The following CDC37 variants were observed in gnomAD, a reference collection of about 807,000 sequenced individuals.
CDC37 encodes the protein cell division cycle 37, HSP90 cochaperone.
Under a neutral mutation model 46.9 loss-of-function variants are expected in CDC37, and 9 were observed. The observed-to-expected ratio is 0.19, with a 90% CI of 0.12 to 0.33. CDC37 has a LOEUF of 0.33. Ranked by LOEUF, CDC37 falls within the 10% of genes least tolerant of loss-of-function variation. The pLI is 1.00. For missense variants in CDC37, 388 were observed against 514.6 expected, an observed-to-expected ratio of 0.75 and a Z score of 2.38; for synonymous variants, 193 against 191.0, an observed-to-expected ratio of 1.01 and a Z score of -0.09.
Position 10,391,407 on chromosome 19 carries a change from C to A in CDC37, c.*144G>T. ...CTGGAGAGTGGAGACAGTGGAGAGG[C>A]CAGGGAGGGCTGGGCGGGCCCCCCA... On this transcript the variant is annotated 3_prime_UTR_variant, in exon 8 of 8. Coordinates refer to ENST00000222005, the MANE Select transcript of CDC37 (RefSeq NM_007065.4). 1 of 930,190 alleles carries A rather than the reference C, an allele frequency of 1.1e-6. No individual in the cohort carries two copies. The allele number at this position is 930,190 out of a possible 1,614,324, so 57.6% of individuals were successfully genotyped here.
At position 10,391,297 on chromosome 19, in the gene CDC37, C is replaced by A; in HGVS notation, c.*254G>T. ...CAGCCTGGTGACCTCTGCCCTTCCC[C>A]GGACCCCCGGGCCTTTGGCATAATG... On this transcript the variant is annotated 3_prime_UTR_variant, in exon 8 of 8. Coordinates refer to ENST00000222005, the MANE Select transcript of CDC37 (RefSeq NM_007065.4). 2.0e-6 allele frequency: 1 copy of A among 508,240 alleles called. No individual in the cohort carries two copies. The allele number at this position is 508,240 out of a possible 1,614,324, so 31.5% of individuals were successfully genotyped here.
Position 10,393,246 on chromosome 19 carries a change from C to G in CDC37, c.909+13G>C. 1 of 1,612,418 alleles carries G rather than the reference C, an allele frequency of 6.2e-7. No homozygotes were observed. Among genetic ancestry groups the G allele is most frequent in the Non-Finnish European group, 8.5e-7 (1 of 1,179,216 alleles). On this transcript the variant is annotated intron_variant, in intron 6 of 7. Transcript: ENST00000222005. The surrounding 1 kb of genome is among the most constrained non-coding windows in gnomAD (Gnocchi z 4.9). ...GGGTCTTCCTGCTGCCCGCCTGGGC[C>G]GGGGAGCCCCACCTCAGGGAGGGAC...
At chr19:10,394,640 G>T (rs777733929) in intron 5 of CDC37, among the ~76,000 whole-genome samples, 1 of 152,054 alleles carries the variant, frequency 6.6e-6, no homozygotes, top group African/African-American at 2.4e-5. Context: ...AGGTTCAAGC[G>T]ATTCTCCTGC....
chr19:10,394,403 G>A (rs2042476279), intron 5 of CDC37, among the ~76,000 whole-genome samples: 2 of 152,114 alleles, frequency 1.3e-5, no homozygotes, highest in Admixed American at 6.6e-5. Context: ...CCAGGCTGCA[G>A]TGCAGTGGCA....
At chr19:10,395,904 G>GCCCCCCCC in intron 2 of CDC37, 24 bp downstream of exon 2, 1 of 1,541,894 alleles carries the variant, frequency 6.5e-7, no homozygotes, top group Non-Finnish European at 8.9e-7. Context: ...CATGCGCACT[G>GCCCCCCCC]CCCGCCCCGC....
chr19:10,403,150 G>A (rs1041118388), intron 1 of CDC37, among the ~76,000 whole-genome samples: 21 of 152,130 alleles, frequency 1.4e-4, no homozygotes, highest in African/African-American at 4.3e-4. Flanking sequence ...GGTGAATAGG[G>A]AATCCCACGC....
In CDC37 at chr19:10,403,491, G is replaced by T. The variant is rs372365883; in HGVS notation, c.-12C>A. 5 of 1,603,796 alleles carry T rather than the reference G, an allele frequency of 3.1e-6. No individual in the cohort carries two copies. Among genetic ancestry groups the T allele is most frequent in the Non-Finnish European group, 4.3e-6 (5 of 1,172,312 alleles). On this transcript the variant is annotated 5_prime_UTR_variant, in exon 1 of 8. Coordinates refer to ENST00000222005, the MANE Select transcript of CDC37 (RefSeq NM_007065.4). The stretch of plus-strand genomic sequence containing the variant: ...CTGTAGTCCACCATCTTGCCTTGGC[G>T]GCCCAGCCCGCTCCGGCTCGGGTGG...
At chr19:10,395,800 G>T (rs1045301338) in intron 2 of CDC37, 128 bp downstream of exon 2, 3 of 273,890 alleles carry the variant, frequency 1.1e-5, no homozygotes, top group East Asian at 1.6e-4. Context: ...TCAGCTCCCC[G>T]CCCCCCACCA....
At chr19:10,391,947 G>A (rs571344043) in intron 7 of CDC37, among the ~76,000 whole-genome samples, 3 of 152,280 alleles carry the variant, frequency 2.0e-5, no homozygotes, top group Non-Finnish European at 2.9e-5. Context: ...TGGGGTTACC[G>A]ACGCCTGTCA....
Position 10,396,378 on chromosome 19 carries a change from G to C in CDC37, c.103-175C>G, listed in dbSNP as rs540266759. 6.6e-6 allele frequency among the ~76,000 whole-genome samples: 1 copy of C among 152,276 alleles called. No individual in the cohort carries two copies. Among genetic ancestry groups the C allele is most frequent in the South Asian group, 2.1e-4 (1 of 4,826 alleles). On this transcript the variant is annotated intron_variant, in intron 1 of 7. Coordinates refer to ENST00000222005, the MANE Select transcript of CDC37 (RefSeq NM_007065.4). This position sits in a 1 kb window ranked among gnomAD's most constrained non-coding sequence, Gnocchi z 5.9. Reference sequence around the variant, plus strand: ...AGGTGCCAGCGCACACCCAAGTGGGGTCAGGTCCCTCCGTCCTCTGCTCAG... The same window carrying C: ...AGGTGCCAGCGCACACCCAAGTGGGCTCAGGTCCCTCCGTCCTCTGCTCAG...
intron 1 of CDC37, among the ~76,000 whole-genome samples, chr19:10,397,505 T>C (rs2042498630): frequency 2.0e-5 from 3 of 148,482 alleles, no homozygotes; most frequent in African/African-American, 7.5e-5. Flanking sequence ...CTGCCTCCCG[T>C]GTTCAAGCAA....
intron 1 of CDC37, among the ~76,000 whole-genome samples, chr19:10,399,872 C>T (rs1443343968): frequency 7.1e-6 from 1 of 139,910 alleles, no homozygotes; most frequent in Non-Finnish European, 1.5e-5. Flanking sequence ...GTGGAGGTTA[C>T]AGTGAGCCGA....
Position 10,393,241 on chromosome 19 carries a change from T to C in CDC37, c.909+18A>G. 6.2e-7 allele frequency: 1 copy of C among 1,612,598 alleles called. No individual in the cohort carries two copies. Among genetic ancestry groups the C allele is most frequent in the South Asian group, 1.1e-5 (1 of 91,012 alleles). On this transcript the variant is annotated intron_variant, in intron 6 of 7. Coordinates refer to ENST00000222005, the MANE Select transcript of CDC37 (RefSeq NM_007065.4). The surrounding 1 kb of genome is among the most constrained non-coding windows in gnomAD (Gnocchi z 4.9). The stretch of plus-strand genomic sequence containing the variant: ...GCTCAGGGTCTTCCTGCTGCCCGCC[T>C]GGGCCGGGGAGCCCCACCTCAGGGA...
chr19:10,402,901 C>A (rs1482750557), intron 1 of CDC37, among the ~76,000 whole-genome samples: 1 of 151,630 alleles, frequency 6.6e-6, no homozygotes, highest in Non-Finnish European at 1.5e-5. Context: ...GATCAAGATC[C>A]CGGAAAGTAG....
chr19:10,391,786 C>T, intron 7 of CDC37, 80 bp from the exon 8 acceptor site: 2 of 1,436,706 alleles, frequency 1.4e-6, no homozygotes, highest in Non-Finnish European at 1.9e-6. Flanking sequence ...TGCACATCCC[C>T]AAGCTGGCTT....
chr19:10,395,517 C>G lies in CDC37; in HGVS notation c.405G>C (p.Lys135Asn). 6.2e-7 allele frequency: 1 copy of G among 1,614,158 alleles called. No individual in the cohort carries two copies. The part of the protein sequence containing the change: ...SKSMVNTKPE[K>N]TEEDSEEVRE... The stretch of plus-strand genomic sequence containing the variant: ...TCACCTCCTCTGAGTCCTCCTCCGT[C>G]TTCTCGGGCTTGGTATTTACCATGC... The change falls in exon 3 of 8, where the codon AAG (lysine) becomes AAC (asparagine). Residue 135 changes from lysine to asparagine, a missense_variant. Transcript: ENST00000222005.
intron 1 of CDC37, among the ~76,000 whole-genome samples, chr19:10,400,388 A>AT (rs2042512631): frequency 2.0e-5 from 3 of 152,082 alleles, no homozygotes; most frequent in African/African-American, 7.2e-5. Flanking sequence ...GAAACTTTGA[A>AT]ATTTTTTTTT....
intron 1 of CDC37, among the ~76,000 whole-genome samples, chr19:10,402,226 G>A (rs2042522890): frequency 6.6e-6 from 1 of 151,416 alleles, no homozygotes; most frequent in Non-Finnish European, 1.5e-5. Context: ...ACACTCATTT[G>A]GGGTAGCAGG....
In CDC37 at chr19:10,391,411, G is replaced by A; in HGVS notation, c.*140C>T. On this transcript the variant is annotated 3_prime_UTR_variant, in exon 8 of 8. Coordinates refer to ENST00000222005, the MANE Select transcript of CDC37 (RefSeq NM_007065.4). ...AGAGTGGAGACAGTGGAGAGGCCAG[G>A]GAGGGCTGGGCGGGCCCCCCAGGCT... is the stretch of plus-strand genomic sequence containing the variant. 1.0e-6 allele frequency: 1 copy of A among 970,156 alleles called. No individual in the cohort carries two copies. The allele number at this position is 970,156 out of a possible 1,614,324, so 60.1% of individuals were successfully genotyped here.
Sources: gnomAD v4.1 joint callset for allele counts (sites outside exome capture counted in the v4.1 genomes callset) on GRCh38, gnomAD v4.1.1 for gene constraint, Gnocchi (gnomAD v3.1) non-coding constraint, MANE v1.5 for transcripts, NCBI Gene and HGNC (gene_info 2026-07-23, HGNC 2026-07-21) for gene names.